Variants in HIVEP1 observed in about 807,000 individuals in gnomAD.
The protein encoded by HIVEP1 is HIVEP zinc finger 1.
Under a neutral mutation model 180.0 loss-of-function variants are expected in HIVEP1, and 36 were observed. The ratio of observed to expected loss-of-function variants is 0.20; its 90% CI spans 0.15 to 0.26. The LOEUF is 0.26. Among genes scored for constraint, HIVEP1 ranks in the 10% least tolerant of loss-of-function variants. HIVEP1 has a pLI of 1.00. For synonymous variants in HIVEP1, 1,239 were observed against 1,239.0 expected, an observed-to-expected ratio of 1.00 and a Z score of 0.00; for missense variants, 3,143 against 3,268.7, an observed-to-expected ratio of 0.96 and a Z score of 0.94.
chr6:12,183,821 T>C, the HIVEP1 span, among the ~76,000 whole-genome samples: 1 of 152,134 alleles, frequency 6.6e-6, no homozygotes, highest in African/African-American at 2.4e-5. Flanking sequence ...AAGCAAGAGA[T>C]AGAATTTATG....
At chr6:12,046,620 AAT>A (rs1770136837) in intron 2 of HIVEP1, among the ~76,000 whole-genome samples, 1 of 151,954 alleles carries the variant, frequency 6.6e-6, no homozygotes. Flanking sequence ...CTTTACCAAA[AAT>A]ACAAAAATTA....
chr6:12,170,126 G>GA, the HIVEP1 span, among the ~76,000 whole-genome samples: 22,773 of 147,748 alleles, frequency 0.15, 3,244 homozygotes, highest in African/African-American at 0.38. Flanking sequence ...ATCTCAAAAA[G>GA]AAAAAAAAAA....
intron 2 of HIVEP1, among the ~76,000 whole-genome samples, chr6:12,056,405 G>A (rs1770873834): frequency 6.6e-6 from 1 of 152,056 alleles, no homozygotes; most frequent in African/African-American, 2.4e-5. Flanking sequence ...TTAATGTCTT[G>A]CCACATTTGC....
intron 7 of HIVEP1, among the ~76,000 whole-genome samples, chr6:12,139,458 T>A (rs2113604165): frequency 6.6e-6 from 1 of 152,192 alleles, no homozygotes. Context: ...CCAACTGAGG[T>A]ACCTGGTTCA....
intron 2 of HIVEP1, among the ~76,000 whole-genome samples, chr6:12,039,987 A>C (rs1458080375): frequency 1.3e-5 from 2 of 152,172 alleles, no homozygotes; most frequent in African/African-American, 4.8e-5. Flanking sequence ...GGAGTCCCCA[A>C]CTGTGGGGCG....
intron 2 of HIVEP1, among the ~76,000 whole-genome samples, chr6:12,029,904 T>C (rs1768829211): frequency 6.6e-6 from 1 of 152,228 alleles, no homozygotes; most frequent in Admixed American, 6.5e-5. Flanking sequence ...CCTCTTCTTC[T>C]ATGGATTCAG....
intron 7 of HIVEP1, among the ~76,000 whole-genome samples, chr6:12,158,781 C>T (rs536120927): frequency 6.6e-6 from 1 of 152,310 alleles, no homozygotes; most frequent in African/African-American, 2.4e-5. Context: ...CTAAGGACAA[C>T]AGTGCGTGCC....
intron 3 of HIVEP1, among the ~76,000 whole-genome samples, chr6:12,116,546 A>AT (rs1390879162): frequency 1.3e-5 from 2 of 151,856 alleles, no homozygotes; most frequent in Non-Finnish European, 2.9e-5. Flanking sequence ...CCTCCTTACA[A>AT]TAAAAAAAAA....
chr6:12,119,895 T>A lies in HIVEP1; in HGVS notation c.100T>A (p.Leu34Ile). ...GTTGTTGTTGTTTTTTCCAGAAATC[T>A]TACAGGCTGGTGTTAAAGGAACTTC... ...NGAEVSKKEI[L>I]QAGVKGTSES... Residue 34 changes from leucine to isoleucine, a missense_variant, in exon 4 of 9, where the codon TTA (leucine) becomes ATA (isoleucine). Coordinates refer to ENST00000379388, the MANE Select transcript of HIVEP1 (RefSeq NM_002114.4). 3.2e-6 allele frequency: 5 copies of A among 1,548,452 alleles called. No individual in the cohort carries two copies. Among genetic ancestry groups the A allele is most frequent in the Non-Finnish European group, 4.3e-6 (5 of 1,153,880 alleles).
In HIVEP1 at chr6:12,153,793, A is replaced by G. The variant is rs376671574; in HGVS notation, c.6488-7646A>G. ...GAAGTCTTGATTTGACTATGGGGCTAATAGGGAGGTGCTTGTTGTGCAAGC... is the reference window on the plus strand; with the variant it reads ...GAAGTCTTGATTTGACTATGGGGCTGATAGGGAGGTGCTTGTTGTGCAAGC... On this transcript the variant is annotated intron_variant, in intron 7 of 8. Coordinates refer to ENST00000379388, the MANE Select transcript of HIVEP1 (RefSeq NM_002114.4). Among the ~76,000 whole-genome samples, 15 of 152,206 alleles carry G rather than the reference A, an allele frequency of 9.9e-5. 1 individual carries two copies. Among genetic ancestry groups the G allele is most frequent in the African/African-American group, 3.6e-4 (15 of 41,554 alleles).
Position 12,121,656 on chromosome 6 carries a change from A to T in HIVEP1, c.1861A>T (p.Asn621Tyr), listed in dbSNP as rs1160727959. ...GGVSRLETNE[N>Y]SHQKGDMNPL... The stretch of plus-strand genomic sequence containing the variant: ...AGTCTCCAGGTTGGAGACTAATGAG[A>T]ATTCCCACCAGAAAGGCGACATGAA... The change falls in exon 4 of 9, where the codon AAT becomes TAT. Residue 621 changes from asparagine to tyrosine, a missense_variant. Asn to Tyr is a moderately radical substitution (Grantham distance 143). Around this residue, in one of 12 missense-constraint regions of HIVEP1, gnomAD observed 365 missense variants for 344.4 expected, o/e 1.06. Coordinates refer to ENST00000379388, the MANE Select transcript of HIVEP1 (RefSeq NM_002114.4). The surrounding 1 kb of genome is among the most constrained non-coding windows in gnomAD (Gnocchi z 5.3). 6.2e-7 allele frequency: 1 copy of T among 1,614,002 alleles called. No homozygotes were observed. Among genetic ancestry groups the T allele is most frequent in the Non-Finnish European group, 8.5e-7 (1 of 1,180,026 alleles).
chr6:12,057,856 A>G (rs1406273873), intron 2 of HIVEP1, among the ~76,000 whole-genome samples: 2 of 152,256 alleles, frequency 1.3e-5, no homozygotes, highest in East Asian at 1.9e-4. Flanking sequence ...CAGTAACTGT[A>G]AAATGTGAAG....
intron 3 of HIVEP1, among the ~76,000 whole-genome samples, chr6:12,114,166 C>T (rs1321100448): frequency 6.6e-6 from 1 of 152,086 alleles, no homozygotes; most frequent in Admixed American, 6.5e-5. Flanking sequence ...ATTTGCGGGC[C>T]CTGCGCGTCC....
chr6:12,091,776 C>G (rs1295862724), intron 3 of HIVEP1, among the ~76,000 whole-genome samples: 1 of 152,080 alleles, frequency 6.6e-6, no homozygotes, highest in Non-Finnish European at 1.5e-5. Context: ...AAGGATGCAA[C>G]ATTCACACAA....
Position 12,101,138 on chromosome 6 carries a change from A to G in HIVEP1, c.94+11901A>G, listed in dbSNP as rs148922304. Among the ~76,000 whole-genome samples, 94 of 152,302 alleles carry G rather than the reference A, an allele frequency of 6.2e-4. No homozygotes were observed. The East Asian group carries it at 8.5e-3, about 14-fold the overall frequency. On this transcript the variant is annotated intron_variant, in intron 3 of 8. Coordinates refer to ENST00000379388, the MANE Select transcript of HIVEP1 (RefSeq NM_002114.4). The stretch of plus-strand genomic sequence containing the variant: ...ACTTCACATCAGTTGTCACTTTTCT[A>G]TTACCTTTTGTGCTAACCCAGCTAT...
the HIVEP1 span, among the ~76,000 whole-genome samples, chr6:12,191,963 G>A: frequency 6.6e-6 from 1 of 152,204 alleles, no homozygotes; most frequent in Non-Finnish European, 1.5e-5. Context: ...GATAAAGTAT[G>A]TTCCATTCTC....
intron 2 of HIVEP1, among the ~76,000 whole-genome samples, chr6:12,056,503 TG>T (rs1770881164): frequency 6.6e-6 from 1 of 152,250 alleles, no homozygotes; most frequent in Non-Finnish European, 1.5e-5. Context: ...AAGTTGAATT[TG>T]AATATGCCAC....
the HIVEP1 span, among the ~76,000 whole-genome samples, chr6:12,183,930 T>C: frequency 6.6e-6 from 1 of 151,924 alleles, no homozygotes; most frequent in African/African-American, 2.4e-5. Flanking sequence ...AACATTATTT[T>C]AAGGAGCTAC....
intron 2 of HIVEP1, among the ~76,000 whole-genome samples, chr6:12,072,268 T>C (rs1186392204): frequency 2.0e-5 from 3 of 152,202 alleles, no homozygotes; most frequent in African/African-American, 7.2e-5. Flanking sequence ...AGAAATTGTC[T>C]CAACTTTTTT....
Sources: gnomAD v4.1 joint callset for allele counts (sites outside exome capture counted in the v4.1 genomes callset) on GRCh38, gnomAD v4.1.1 for gene constraint, gnomAD v4.1.1 regional missense constraint, Gnocchi (gnomAD v3.1) non-coding constraint, MANE v1.5 for transcripts, NCBI Gene and HGNC (gene_info 2026-07-23, HGNC 2026-07-21) for gene names.